CFAP47: variants seen among roughly 807,000 people sequenced by gnomAD.
The protein encoded by CFAP47 is cilia- and flagella-associated protein 47.
CFAP47 carries 29 observed loss-of-function variants against 148.1 expected under a neutral mutation model. The observed-to-expected ratio is 0.20, with a 90% CI of 0.15 to 0.27. The LOEUF (loss-of-function observed/expected upper bound fraction) is 0.27. Ranked by LOEUF, CFAP47 falls within the 10% of genes least tolerant of loss-of-function variation. The pLI, the probability that CFAP47 is intolerant of heterozygous loss-of-function variation, is 1.00. For synonymous variants in CFAP47, 664 were observed against 577.3 expected, an observed-to-expected ratio of 1.15 and a Z score of -2.15; for missense variants, 1,872 against 1,697.5, an observed-to-expected ratio of 1.10 and a Z score of -1.81.
At chrX:35,995,812 G>A (rs1936840582) in intron 18 of CFAP47, among the ~76,000 whole-genome samples, 1 of 111,024 alleles carries the variant, frequency 9.0e-6, no homozygotes, top group African/African-American at 3.3e-5. Flanking sequence ...ATATAATTGA[G>A]AAGTTGGAAT....
At chrX:36,193,892 T>C (rs6632513) in intron 42 of CFAP47, among the ~76,000 whole-genome samples, 14,573 of 110,813 alleles carry the variant, frequency 0.13, 748 homozygotes, top group East Asian at 0.26. Flanking sequence ...TTTGGGCTAC[T>C]CTCTTGGTTC....
intron 51 of CFAP47, among the ~76,000 whole-genome samples, chrX:36,287,941 A>G (rs891774992): frequency 9.8e-5 from 11 of 112,018 alleles, no homozygotes; most frequent in African/African-American, 3.6e-4. Context: ...CCTCACTTGT[A>G]TATTATTTCC....
intron 33 of CFAP47, among the ~76,000 whole-genome samples, chrX:36,121,853 A>G (rs1302677116): frequency 9.0e-6 from 1 of 111,380 alleles, no homozygotes; most frequent in Admixed American, 9.5e-5. Context: ...ATTTTTCTGT[A>G]TGCTTATTAT....
intron 4 of CFAP47, among the ~76,000 whole-genome samples, chrX:35,950,047 G>A (rs367815568): frequency 1.6e-3 from 179 of 111,867 alleles, no homozygotes; most frequent in Non-Finnish European, 2.8e-3. Flanking sequence ...TATTTATCAA[G>A]TTTAAAAAAG....
rs782746428 is a variant in CFAP47 at position 36,191,709 on chromosome X, C to T, written c.6321+1513C>T. ...CATTAAGAACCACCTGTTGGCCGGG[C>T]GCAGTGACTCAAGCCTGTAATTCCA... On this transcript the variant is annotated intron_variant, in intron 42 of 63. Coordinates refer to ENST00000378653, the MANE Select transcript of CFAP47 (RefSeq NM_001304548.2). Among the ~76,000 whole-genome samples the T allele has an allele frequency of 9.9e-5, 11 of 111,236 alleles. No individual in the cohort carries two copies. The South Asian group carries it at 3.4e-3, about 34-fold the overall frequency.
chrX:36,243,944 G>A (rs1940582530), intron 48 of CFAP47, among the ~76,000 whole-genome samples: 1 of 109,673 alleles, frequency 9.1e-6, no homozygotes, highest in South Asian at 3.9e-4. Flanking sequence ...TTTCATCTGT[G>A]CATAGAACAT....
chrX:35,960,380 G>GGAAAAAAAAAAAAAAAAAAAAAAA (rs1227681980), intron 8 of CFAP47, among the ~76,000 whole-genome samples: 7 of 15,489 alleles, frequency 4.5e-4, no homozygotes, highest in African/African-American at 1.8e-3. Flanking sequence ...GCTAATTTCT[G>GGAAAAAAAAAAAAAAAAAAAAAAA]AAAAAAAAAA....
chrX:36,206,787 TATTA>T (rs1256106859), intron 45 of CFAP47, among the ~76,000 whole-genome samples: 7 of 112,106 alleles, frequency 6.2e-5, no homozygotes, highest in Non-Finnish European at 7.5e-5. Flanking sequence ...TCATATCAAT[TATTA>T]ATTATCCATT....
intron 26 of CFAP47, among the ~76,000 whole-genome samples, chrX:36,053,808 G>C (rs910000298): frequency 7.1e-5 from 8 of 112,160 alleles, no homozygotes; most frequent in Non-Finnish European, 1.5e-4. Flanking sequence ...GTAGCCAAAT[G>C]GTGGAGTTTA....
intron 50 of CFAP47, among the ~76,000 whole-genome samples, chrX:36,283,156 A>G (rs1315413654): frequency 1.8e-5 from 2 of 111,675 alleles, no homozygotes; most frequent in Non-Finnish European, 3.8e-5. Context: ...TCATTTAGTC[A>G]TGAAATTATG....
chrX:36,064,772 T>A (rs768769172), intron 26 of CFAP47, among the ~76,000 whole-genome samples: 21 of 111,932 alleles, frequency 1.9e-4, no homozygotes, highest in Non-Finnish European at 3.6e-4. Context: ...ATATAAAATA[T>A]AGCCCTTCTA....
intron 40 of CFAP47, among the ~76,000 whole-genome samples, chrX:36,181,247 T>C (rs1042484867): frequency 9.0e-6 from 1 of 111,721 alleles, no homozygotes; most frequent in African/African-American, 3.2e-5. Flanking sequence ...GCATCTCAAA[T>C]TTATCATGTT....
intron 33 of CFAP47, among the ~76,000 whole-genome samples, chrX:36,123,290 T>C (rs1938778071): frequency 8.9e-6 from 1 of 112,085 alleles, no homozygotes; most frequent in Non-Finnish European, 1.9e-5. Context: ...ACTCCCTAGC[T>C]ACTGCTTGTG....
At chrX:35,972,782 T>C (rs1936513682) in intron 13 of CFAP47, among the ~76,000 whole-genome samples, 1 of 111,482 alleles carries the variant, frequency 9.0e-6, no homozygotes, top group Non-Finnish European at 1.9e-5. Flanking sequence ...TTGATGGACA[T>C]TTAGTTGTTT....
chrX:36,267,399 A>G (rs782378891), intron 49 of CFAP47, among the ~76,000 whole-genome samples: 1 of 110,891 alleles, frequency 9.0e-6, no homozygotes, highest in South Asian at 3.8e-4. Flanking sequence ...ATTGACTGCC[A>G]TACTTGTAGA....
intron 13 of CFAP47, among the ~76,000 whole-genome samples, chrX:35,974,821 T>C (rs6632449): frequency 0.25 from 27,737 of 110,158 alleles, 4,831 homozygotes; most frequent in African/African-American, 0.61. Context: ...AAAATACTTG[T>C]ACTAGTGGGA....
At position 35,992,650 on chromosome X, in the gene CFAP47, AG is replaced by A. The variant is rs1314166284; in HGVS notation, c.2968-539del. On this transcript the variant is annotated intron_variant, in intron 17 of 63. Transcript: ENST00000378653. ...TTTCCTTTAAATTATTCTAGCTTAAAGCATGGTAAATAGGTTTAAATTGGCC... is the reference window on the plus strand; with the variant it reads ...TTTCCTTTAAATTATTCTAGCTTAAACATGGTAAATAGGTTTAAATTGGCC... Among the ~76,000 whole-genome samples, 3 of 111,599 alleles carry A rather than the reference AG, an allele frequency of 2.7e-5. No individual in the cohort carries two copies. The East Asian group carries it at 8.4e-4, about 31-fold the overall frequency.
chrX:36,017,136 C>T (rs1937105939), intron 22 of CFAP47, among the ~76,000 whole-genome samples: 1 of 111,341 alleles, frequency 9.0e-6, no homozygotes, highest in Non-Finnish European at 1.9e-5. Flanking sequence ...AATCCCACTG[C>T]TGGGCATATA....
intron 36 of CFAP47, among the ~76,000 whole-genome samples, chrX:36,148,901 A>ATGTGTGTGTGTGTGTGTG (rs60968920): frequency 2.8e-3 from 258 of 92,256 alleles, no homozygotes; most frequent in African/African-American, 9.9e-3. Context: ...AACTGTATGT[A>ATGTGTGTGTGTGTGTGTG]TGTGTGTGTG....
Sources: gnomAD v4.1 joint callset for allele counts (sites outside exome capture counted in the v4.1 genomes callset) on GRCh38, gnomAD v4.1.1 for gene constraint, MANE v1.5 for transcripts, NCBI Gene and HGNC (gene_info 2026-07-23, HGNC 2026-07-21) for gene names.